Variants in RNLS observed in about 807,000 individuals in gnomAD.
The protein encoded by RNLS is renalase.
RNLS carries 39 observed loss-of-function variants against 39.8 expected under a neutral mutation model. That is an observed-to-expected ratio of 0.98 (90% confidence interval 0.76 to 1.28). RNLS has a LOEUF of 1.28. Among genes scored for constraint, RNLS ranks in the 50% most tolerant of loss-of-function variants. The probability of loss-of-function intolerance (pLI) is 0.00; values close to 1 mark genes in which losing one functional copy is unlikely to be tolerated. For missense variants in RNLS, 410 were observed against 413.3 expected, an observed-to-expected ratio of 0.99 and a Z score of 0.07; for synonymous variants, 147 against 150.7, an observed-to-expected ratio of 0.98 and a Z score of 0.18.
intron 5 of RNLS, among the ~76,000 whole-genome samples, chr10:88,319,363 A>G (rs1321480989): frequency 3.3e-5 from 5 of 152,114 alleles, no homozygotes; most frequent in African/African-American, 9.7e-5. Context: ...TCTAGTAGCA[A>G]AAAAAAACCT....
chr10:88,182,266 C>T, the RNLS span, among the ~76,000 whole-genome samples: 4 of 152,002 alleles, frequency 2.6e-5, no homozygotes, highest in Non-Finnish European at 5.9e-5. Context: ...AAAATATCAC[C>T]CCAGGTGACC....
chr10:88,345,285 T>C (rs997469075), intron 5 of RNLS, among the ~76,000 whole-genome samples: 14 of 152,176 alleles, frequency 9.2e-5, no homozygotes, highest in Non-Finnish European at 1.8e-4. Context: ...GTCTCAGCTC[T>C]TTGATTTGCT....
chr10:88,294,338 A>G (rs1180051895), intron 6 of RNLS, among the ~76,000 whole-genome samples: 2 of 152,192 alleles, frequency 1.3e-5, no homozygotes, highest in African/African-American at 4.8e-5. Flanking sequence ...GGCACTCTGA[A>G]AAAGATATAA....
the RNLS span, among the ~76,000 whole-genome samples, chr10:88,215,691 A>ATTTTTT: frequency 2.1e-5 from 2 of 95,430 alleles, no homozygotes; most frequent in Non-Finnish European, 2.0e-5. Context: ...ACCATCTGTA[A>ATTTTTT]TTTTTTTTTT....
At chr10:88,324,095 A>G (rs1846384855) in intron 5 of RNLS, among the ~76,000 whole-genome samples, 1 of 152,194 alleles carries the variant, frequency 6.6e-6, no homozygotes, top group Non-Finnish European at 1.5e-5. Context: ...GATGCTGGCA[A>G]GGCTGCAGAG....
chr10:88,261,782 T>C, the RNLS span, among the ~76,000 whole-genome samples: 2 of 152,214 alleles, frequency 1.3e-5, no homozygotes, highest in African/African-American at 4.8e-5. Context: ...ACAGTGACCA[T>C]GACTTTCAGC....
chr10:88,420,842 G>T (rs1417220248), intron 4 of RNLS, among the ~76,000 whole-genome samples: 1 of 152,228 alleles, frequency 6.6e-6, no homozygotes, highest in African/African-American at 2.4e-5. Context: ...GTCTGGCTTT[G>T]GTTATGTTTT....
chr10:88,260,678 A>T, the RNLS span, among the ~76,000 whole-genome samples: 1 of 152,200 alleles, frequency 6.6e-6, no homozygotes, highest in Non-Finnish European at 1.5e-5. Flanking sequence ...TTAGCCTTGA[A>T]TTTGTATTCT....
At chr10:88,176,837 C>T in the RNLS span, among the ~76,000 whole-genome samples, 3 of 152,232 alleles carry the variant, frequency 2.0e-5, no homozygotes, top group Admixed American at 2.0e-4. Context: ...CTTTATTTCT[C>T]CTTCATTTCT....
the RNLS span, among the ~76,000 whole-genome samples, chr10:88,203,423 TATATATATATATAC>T: frequency 1.6e-3 from 132 of 81,294 alleles, 37 homozygotes; most frequent in African/African-American, 6.7e-3. Context: ...CACGTATGTG[TATATATATATATAC>T]GTGTGTGTGT....
At chr10:88,422,896 T>G (rs1303300084) in intron 4 of RNLS, among the ~76,000 whole-genome samples, 1 of 152,058 alleles carries the variant, frequency 6.6e-6, no homozygotes, top group African/African-American at 2.4e-5. Flanking sequence ...CCTGAGTAGC[T>G]AGGACTACCA....
chr10:88,348,034 C>A (rs1192053565), intron 5 of RNLS, among the ~76,000 whole-genome samples: 1 of 152,000 alleles, frequency 6.6e-6, no homozygotes, highest in Non-Finnish European at 1.5e-5. Context: ...ATTACTTGAC[C>A]TTTGTTAGTG....
At chr10:88,355,688 G>A (rs574559523) in intron 5 of RNLS, among the ~76,000 whole-genome samples, 7 of 152,170 alleles carry the variant, frequency 4.6e-5, no homozygotes, top group East Asian at 3.9e-4. Flanking sequence ...CAGTCTGTCC[G>A]TTCTCAGATC....
At chr10:88,523,928 A>G (rs1846916403) in intron 4 of RNLS, among the ~76,000 whole-genome samples, 1 of 152,124 alleles carries the variant, frequency 6.6e-6, no homozygotes, top group Non-Finnish European at 1.5e-5. Context: ...ATTTTCCACA[A>G]GGATCACTGT....
chr10:88,409,430 T>C (rs1022507855), intron 4 of RNLS, among the ~76,000 whole-genome samples: 3 of 152,112 alleles, frequency 2.0e-5, no homozygotes, highest in Non-Finnish European at 4.4e-5. Flanking sequence ...CATATATGAA[T>C]CATTAATTTC....
At chr10:88,333,764 C>T (rs577443480) in intron 5 of RNLS, among the ~76,000 whole-genome samples, 1 of 152,056 alleles carries the variant, frequency 6.6e-6, no homozygotes, top group African/African-American at 2.4e-5. Context: ...GAGGTGGGGC[C>T]GTTAGGAGGT....
intron 4 of RNLS, among the ~76,000 whole-genome samples, chr10:88,552,633 TTCC>T (rs1289773003): frequency 1.3e-5 from 2 of 152,172 alleles, no homozygotes; most frequent in Admixed American, 6.6e-5. Flanking sequence ...TCACAGATTT[TTCC>T]TCAATTATAT....
chr10:88,535,054 TG>T (rs1253543827), intron 4 of RNLS, among the ~76,000 whole-genome samples: 2 of 152,296 alleles, frequency 1.3e-5, no homozygotes, highest in East Asian at 3.9e-4. Flanking sequence ...AAAATACATT[TG>T]TAACATTTCA....
intron 6 of RNLS, among the ~76,000 whole-genome samples, chr10:88,296,405 C>T: frequency 6.6e-6 from 1 of 152,126 alleles, no homozygotes. Flanking sequence ...ATCTCCCATT[C>T]CCTATTTATT....
Sources: gnomAD v4.1 joint callset for allele counts (sites outside exome capture counted in the v4.1 genomes callset) on GRCh38, gnomAD v4.1.1 for gene constraint, MANE v1.5 for transcripts, NCBI Gene and HGNC (gene_info 2026-07-23, HGNC 2026-07-21) for gene names.